Variants in TCP11L1 observed in about 807,000 individuals in gnomAD.
TCP11L1 encodes t-complex 11 like 1.
TCP11L1 carries 28 observed loss-of-function variants against 48.9 expected under a neutral mutation model. That is an observed-to-expected ratio of 0.57 (90% CI 0.42 to 0.78). The LOEUF (loss-of-function observed/expected upper bound fraction) is 0.78, where lower values mean the gene tolerates loss of function less well. Among genes scored for constraint, TCP11L1 ranks in the 30% least tolerant of loss-of-function variants. The pLI is 0.00. For missense variants in TCP11L1, 505 were observed against 613.4 expected (o/e 0.82, Z 1.87); for synonymous variants, 204 against 231.9 (o/e 0.88, Z 1.09).
In TCP11L1 at chr11:33,059,620, C is replaced by T. The variant is rs77600673; in HGVS notation, c.775+525C>T. On this transcript the variant is annotated intron_variant, in intron 6 of 9. Coordinates refer to ENST00000334274, the MANE Select transcript of TCP11L1 (RefSeq NM_018393.4). ...AAAACTACGTTGTATTTCTAGGGTG[C>T]TTTTTATGGTCTCTGCATTGCTAAC... is the stretch of plus-strand genomic sequence containing the variant. Among the ~76,000 whole-genome samples the T allele has an allele frequency of 1.7e-3, 260 of 152,290 alleles. 1 individual carries two copies. Among genetic ancestry groups the T allele is most frequent in the East Asian group, 8.1e-3 (42 of 5,186 alleles).
At position 33,054,724 on chromosome 11, in the gene TCP11L1, A is replaced by AGGTAAGGT; in HGVS notation, c.296+3_296+10dup. ...TAAACCAGTTGAATTACCAGAAAAC[A>AGGTAAGGT]GGTAAGGTGGTTGCTAAATTATCTT... On this transcript the variant is annotated stop_gained and frameshift_variant and splice_region_variant, in exon 3 of 10. Transcript: ENST00000334274. LOFTEE classifies it high-confidence loss of function. 1 of 1,611,130 alleles carries AGGTAAGGT rather than the reference A, an allele frequency of 6.2e-7. No individual in the cohort carries two copies. The highest frequency in any genetic ancestry group is 2.2e-5 in the East Asian group (1 of 44,794).
intron 9 of TCP11L1, among the ~76,000 whole-genome samples, chr11:33,071,207 C>T (rs1854779770): frequency 1.3e-5 from 2 of 152,010 alleles, no homozygotes; most frequent in East Asian, 1.9e-4. Flanking sequence ...CCCAGCTACT[C>T]GGGAGGCAGA....
chr11:33,047,089 G>GGT (rs1407835551), intron 2 of TCP11L1, among the ~76,000 whole-genome samples: 1 of 151,900 alleles, frequency 6.6e-6, no homozygotes, highest in East Asian at 1.9e-4. Flanking sequence ...CGGGAGTGGT[G>GGT]GTGTGTGCCT....
In TCP11L1 at chr11:33,068,866, T is replaced by C. The variant is rs767623178; in HGVS notation, c.1327+7T>C. 2.6e-5 allele frequency: 41 copies of C among 1,607,722 alleles called. No homozygotes were observed. Among genetic ancestry groups the C allele is most frequent in the South Asian group, 2.3e-4 (21 of 90,912 alleles). ...CCCATTCGCAGGATCATGGGTACGT[T>C]TGGGGAAGGCAGGCAGCAGGGATGT... On this transcript the variant is annotated splice_region_variant and intron_variant, in intron 9 of 9. Coordinates refer to ENST00000334274, the MANE Select transcript of TCP11L1 (RefSeq NM_018393.4).
intron 7 of TCP11L1, among the ~76,000 whole-genome samples, chr11:33,062,757 TG>T (rs1324551651): frequency 6.6e-6 from 1 of 152,234 alleles, no homozygotes; most frequent in Non-Finnish European, 1.5e-5. Flanking sequence ...TTAATATGAG[TG>T]GAATTATACA....
At chr11:33,070,426 C>T (rs975424799) in intron 9 of TCP11L1, among the ~76,000 whole-genome samples, 1 of 152,152 alleles carries the variant, frequency 6.6e-6, no homozygotes, top group South Asian at 2.1e-4. Context: ...TGGCTCATGC[C>T]TATAATCCCA....
chr11:33,055,234 G>A (rs542846110), intron 3 of TCP11L1, among the ~76,000 whole-genome samples: 47 of 152,334 alleles, frequency 3.1e-4, no homozygotes, highest in Admixed American at 9.8e-4. Flanking sequence ...GGAGGGGGGA[G>A]TTTGTTTTAG....
Position 33,072,304 on chromosome 11 carries a change from A to G in TCP11L1, c.1328-170A>G, listed in dbSNP as rs537483841. The stretch of plus-strand genomic sequence containing the variant: ...CCATCTAGAGGGGAGAGAAAACATT[A>G]TAAATGGGATGAATATGCAGAAGTG... On this transcript the variant is annotated intron_variant, in intron 9 of 9. Coordinates refer to ENST00000334274, the MANE Select transcript of TCP11L1 (RefSeq NM_018393.4). Among the ~76,000 whole-genome samples the G allele has an allele frequency of 2.4e-4, 36 of 152,356 alleles. No homozygotes were observed. The East Asian group carries it at 6.2e-3, about 26-fold the overall frequency.
intron 5 of TCP11L1, among the ~76,000 whole-genome samples, chr11:33,058,502 A>G (rs1197066139): frequency 6.6e-6 from 1 of 151,106 alleles, no homozygotes; most frequent in Non-Finnish European, 1.5e-5. Flanking sequence ...CCAGACCAGA[A>G]CTATTTTCAA....
In TCP11L1 at chr11:33,065,859, C is replaced by G. The variant is rs569641527; in HGVS notation, c.1002C>G (p.His334Gln). The G allele has an allele frequency of 2.0e-5, 33 of 1,614,062 alleles. No homozygotes were observed. The highest frequency in any genetic ancestry group is 2.6e-5 in the Non-Finnish European group (31 of 1,179,940). Residue 334 changes from histidine (H) to glutamine (Q), a missense_variant, in exon 8 of 10, where the codon CAC (histidine) becomes CAG (glutamine). Around this residue, in one of 3 missense-constraint regions of TCP11L1, gnomAD observed 335 missense variants for 413.3 expected, o/e 0.81. Coordinates refer to ENST00000334274, the MANE Select transcript of TCP11L1 (RefSeq NM_018393.4). ...TTTTAATGGACCAGTCTCGCTTCCA[C>G]GAGCTCCAGTTGCAGCTGGAACAAC... is the stretch of plus-strand genomic sequence containing the variant. ...ETVLMDQSRFHELQLQLEQLT... is the reference protein window; with the variant it reads ...ETVLMDQSRFQELQLQLEQLT...
At chr11:33,045,352 CAAA>C (rs59665470) in intron 2 of TCP11L1, among the ~76,000 whole-genome samples, 3 of 115,854 alleles carry the variant, frequency 2.6e-5, no homozygotes, top group African/African-American at 1.0e-4. Flanking sequence ...GACCCTGTCT[CAAA>C]AAAAAAAAAA....
rs778965084 is a variant in TCP11L1 at position 33,054,617 on chromosome 11, T to C, written c.188T>C (p.Val63Ala). 10 of 1,613,570 alleles carry C rather than the reference T, an allele frequency of 6.2e-6. No homozygotes were observed. The highest frequency in any genetic ancestry group is 8.5e-6 in the Non-Finnish European group (10 of 1,179,892). Residue 63 changes from valine to alanine, a missense_variant, in exon 3 of 10, where the codon GTA becomes GCA. By Grantham distance (64) the Val-to-Ala change is moderately conservative (BLOSUM62 0). Coordinates refer to ENST00000334274, the MANE Select transcript of TCP11L1 (RefSeq NM_018393.4). ...GCTAGTCCTCCTCGCTTTGTGACAG[T>C]AGAAGAACTTCTAGAGACAGCGAGA... ...PHSSPPRFVT[V>A]EELLETARGV... is the part of the protein sequence containing the mutation.
In TCP11L1 at chr11:33,058,963, A is replaced by T. The variant is rs758901013; in HGVS notation, c.643A>T (p.Ile215Phe). The T allele has an allele frequency of 1.2e-6, 2 of 1,611,268 alleles. No individual in the cohort carries two copies. Among genetic ancestry groups the T allele is most frequent in the Non-Finnish European group, 1.7e-6 (2 of 1,179,222 alleles). Residue 215 changes from isoleucine to phenylalanine, a missense_variant, in exon 6 of 10, where the codon ATT becomes TTT. Coordinates refer to ENST00000334274, the MANE Select transcript of TCP11L1 (RefSeq NM_018393.4). ...IKEIVPLFRE[I>F]FSVLDLMKVD... The stretch of plus-strand genomic sequence containing the variant: ...CTAAATCCTTTTTTCTTTCAGAGAA[A>T]TTTTTTCTGTGTTGGACCTAATGAA...
At chr11:33,068,974 T>G in intron 9 of TCP11L1, 115 bp downstream of exon 9, 2 of 1,336,262 alleles carry the variant, frequency 1.5e-6, no homozygotes, top group Non-Finnish European at 2.0e-6. Context: ...GGTGAGGAGA[T>G]GGTGTAATGA....
chr11:33,058,962 A>C lies in TCP11L1; in HGVS notation c.642A>C (p.Glu214Asp). The change falls in exon 6 of 10, where the codon GAA becomes GAC. Residue 214 changes from glutamate to aspartate, a missense_variant. Glu to Asp is a conservative substitution (Grantham distance 45). Around this residue, in one of 3 missense-constraint regions of TCP11L1, gnomAD observed 335 missense variants for 413.3 expected, o/e 0.81. Transcript: ENST00000334274. ...DIKEIVPLFR[E>D]IFSVLDLMKV... ...TCTAAATCCTTTTTTCTTTCAGAGA[A>C]ATTTTTTCTGTGTTGGACCTAATGA... is the stretch of plus-strand genomic sequence containing the variant. The C allele has an allele frequency of 6.2e-7, 1 of 1,611,440 alleles. No individual in the cohort carries two copies. Among genetic ancestry groups the C allele is most frequent in the Non-Finnish European group, 8.5e-7 (1 of 1,179,308 alleles).
chr11:33,063,493 A>T lies in TCP11L1; in HGVS notation c.972+1767A>T, dbSNP rs547370987. On this transcript the variant is annotated intron_variant, in intron 7 of 9. Transcript: ENST00000334274. ...CTGAATTTTTCTCCTGTTTTTACTC[A>T]TCTTGATGGAAACCACAACAGAGGT... is the stretch of plus-strand genomic sequence containing the variant. Among the ~76,000 whole-genome samples the T allele has an allele frequency of 3.9e-5, 6 of 152,298 alleles. No homozygotes were observed. The South Asian group carries it at 1.0e-3, about 26-fold the overall frequency.
rs1854362195 is a variant in TCP11L1 at position 33,058,069 on chromosome 11, CTG to C, written c.573_574del (p.Ala192ThrfsTer5). ...AEFIIGMMGT[L>X]CAPARDEEVK... ...ATTCATTATTGGCATGATGGGGACA[CTG>C]TGTGCACCTGCTCGAGATGAGGAAG... On this transcript the variant is annotated frameshift_variant, in exon 5 of 10. Coordinates refer to ENST00000334274, the MANE Select transcript of TCP11L1 (RefSeq NM_018393.4). LOFTEE classifies it high-confidence loss of function. 1 of 1,614,178 alleles carries C rather than the reference CTG, an allele frequency of 6.2e-7. No individual in the cohort carries two copies.
chr11:33,050,582 G>A (rs1854129857), intron 2 of TCP11L1, among the ~76,000 whole-genome samples: 1 of 151,888 alleles, frequency 6.6e-6, no homozygotes, highest in Non-Finnish European at 1.5e-5. Context: ...GGGAGGTTGA[G>A]GCCACAGTGA....
intron 9 of TCP11L1, among the ~76,000 whole-genome samples, chr11:33,069,895 A>G (rs754783868): frequency 3.3e-5 from 5 of 152,162 alleles, no homozygotes; most frequent in Admixed American, 1.3e-4. Flanking sequence ...GGCACGAACC[A>G]CTGCATCCAG....
Sources: allele counts gnomAD v4.1 joint callset (sites outside exome capture counted in the v4.1 genomes callset), GRCh38; gene constraint gnomAD v4.1.1; regional missense constraint gnomAD v4.1.1; transcripts MANE v1.5; gene names NCBI Gene and HGNC (gene_info 2026-07-23, HGNC 2026-07-21).